Variants in NMNAT2 observed in about 807,000 individuals in gnomAD.
NMNAT2 encodes nicotinamide nucleotide adenylyltransferase 2, also known as nicotinamide/nicotinic acid mononucleotide adenylyltransferase 2.
Under a neutral mutation model 41.6 loss-of-function variants are expected in NMNAT2, and 11 were observed. That is an observed-to-expected ratio of 0.26 (90% CI 0.17 to 0.44). The LOEUF is 0.44. Among genes scored for constraint, NMNAT2 ranks in the 20% least tolerant of loss-of-function variants. The pLI is 1.00. For missense variants in NMNAT2, 288 were observed against 407.7 expected (o/e 0.71, Z 2.53); for synonymous variants, 148 against 151.2 (o/e 0.98, Z 0.16).
intron 8 of NMNAT2, chr1:183,266,888 C>G (rs1660829856): frequency 1.9e-5 from 3 of 160,626 alleles, no homozygotes; most frequent in Middle Eastern, 2.7e-3. Flanking sequence ...GTGAAGACTA[C>G]CAATGGCTAT....
chr1:183,254,981 A>G (rs920173271), intron 10 of NMNAT2, among the ~76,000 whole-genome samples: 2 of 152,240 alleles, frequency 1.3e-5, no homozygotes, highest in East Asian at 1.9e-4. Flanking sequence ...CATCCAAGAC[A>G]TAATTGCCAA....
At chr1:183,294,494 T>C (rs10797865) in intron 1 of NMNAT2, among the ~76,000 whole-genome samples, 46,328 of 152,182 alleles carry the variant, frequency 0.3, 8,089 homozygotes, top group Middle Eastern at 0.4. Flanking sequence ...ACAATTCCTT[T>C]TAAGAATGTC....
intron 1 of NMNAT2, among the ~76,000 whole-genome samples, chr1:183,381,629 A>G (rs181881175): frequency 6.6e-6 from 1 of 152,248 alleles, no homozygotes; most frequent in African/African-American, 2.4e-5. Flanking sequence ...CCCAGGAAGA[A>G]GAGGTTCCAG....
At chr1:183,403,939 G>A (rs1319759543) in intron 1 of NMNAT2, among the ~76,000 whole-genome samples, 1 of 152,002 alleles carries the variant, frequency 6.6e-6, no homozygotes, top group Non-Finnish European at 1.5e-5. Flanking sequence ...CACCAAACAG[G>A]ATTTGTTTAA....
intron 3 of NMNAT2, 100 bp downstream of exon 3, chr1:183,292,690 T>C (rs987846511): frequency 1.2e-5 from 14 of 1,124,014 alleles, no homozygotes; most frequent in Non-Finnish European, 1.7e-5. Flanking sequence ...CTCCCCATCC[T>C]TTCAGGATCC....
chr1:183,288,800 TAC>T (rs1318355323), intron 4 of NMNAT2, among the ~76,000 whole-genome samples: 1 of 152,228 alleles, frequency 6.6e-6, no homozygotes, highest in Non-Finnish European at 1.5e-5. Flanking sequence ...TCCTGACTGA[TAC>T]AGTCTTACAC....
intron 7 of NMNAT2, among the ~76,000 whole-genome samples, chr1:183,280,638 G>A (rs547084655): frequency 3.0e-4 from 46 of 151,776 alleles, no homozygotes; most frequent in Non-Finnish European, 4.4e-4. Context: ...TCTGCCCACC[G>A]TGGCCTCCCA....
intron 1 of NMNAT2, among the ~76,000 whole-genome samples, chr1:183,353,125 G>A (rs1663100253): frequency 6.6e-6 from 1 of 152,046 alleles, no homozygotes; most frequent in African/African-American, 2.4e-5. Flanking sequence ...TCCTGCCTTA[G>A]CCTCCCAAGT....
chr1:183,333,371 G>A (rs941108718), intron 1 of NMNAT2, among the ~76,000 whole-genome samples: 1 of 152,202 alleles, frequency 6.6e-6, no homozygotes, highest in African/African-American at 2.4e-5. Context: ...ATCTTACATG[G>A]CAGAAGGGAC....
intron 1 of NMNAT2, among the ~76,000 whole-genome samples, chr1:183,341,139 C>G (rs1377547741): frequency 2.0e-5 from 3 of 152,166 alleles, no homozygotes; most frequent in Non-Finnish European, 4.4e-5. Context: ...GCCAGGTTGG[C>G]TAAGATTCCT....
intron 1 of NMNAT2, among the ~76,000 whole-genome samples, chr1:183,398,251 G>A (rs908417578): frequency 1.3e-5 from 2 of 151,978 alleles, no homozygotes; most frequent in African/African-American, 4.8e-5. Context: ...AAAAAGCAGG[G>A]GTTGCAATCC....
intron 10 of NMNAT2, among the ~76,000 whole-genome samples, chr1:183,259,057 C>T (rs1410144821): frequency 6.6e-6 from 1 of 152,150 alleles, no homozygotes; most frequent in Non-Finnish European, 1.5e-5. Context: ...CAAGGTGAAC[C>T]CCTTGGGTGG....
chr1:183,314,490 C>T (rs1662197422), intron 1 of NMNAT2, among the ~76,000 whole-genome samples: 1 of 152,208 alleles, frequency 6.6e-6, no homozygotes. Flanking sequence ...CTTTGCATCC[C>T]CAGCATCTTG....
At chr1:183,354,110 C>T (rs937177837) in intron 1 of NMNAT2, among the ~76,000 whole-genome samples, 3 of 152,184 alleles carry the variant, frequency 2.0e-5, no homozygotes, top group Admixed American at 1.3e-4. Flanking sequence ...ATGTTTGTCA[C>T]ATAGGGAGCC....
intron 1 of NMNAT2, among the ~76,000 whole-genome samples, chr1:183,336,364 T>C (rs967020461): frequency 2.0e-5 from 3 of 152,186 alleles, no homozygotes; most frequent in African/African-American, 7.2e-5. Flanking sequence ...AAAAGAAAAT[T>C]ACAATGAGAT....
chr1:183,286,706 T>C lies in NMNAT2; in HGVS notation c.404A>G (p.Gln135Arg). 2 of 1,612,478 alleles carry C rather than the reference T, an allele frequency of 1.2e-6. No individual in the cohort carries two copies. Among genetic ancestry groups the C allele is most frequent in the East Asian group, 2.2e-5 (1 of 44,838 alleles). ...VIGQPQNETP[Q>R]PIYQNSNVAT... Reference sequence around the variant, plus strand: ...CACGTTGCTGTTCTGGTAAATGGGCTGGGGGGTCTCGTTTTGTGGCTGTCC... The same window carrying C: ...CACGTTGCTGTTCTGGTAAATGGGCCGGGGGGTCTCGTTTTGTGGCTGTCC... The change falls in exon 5 of 11, where the codon CAG (glutamine) becomes CGG (arginine). Residue 135 changes from glutamine (Q) to arginine (R), a missense_variant. Around this residue, in one of 3 missense-constraint regions of NMNAT2, gnomAD observed 181 missense variants for 213.7 expected, o/e 0.85. Transcript: ENST00000287713.
chr1:183,374,987 C>T (rs142620267), intron 1 of NMNAT2, among the ~76,000 whole-genome samples: 3 of 152,302 alleles, frequency 2.0e-5, no homozygotes, highest in Non-Finnish European at 2.9e-5. Context: ...TGACATTCAT[C>T]GATCCCTAAA....
chr1:183,393,612 G>A (rs1210792720), intron 1 of NMNAT2, among the ~76,000 whole-genome samples: 5 of 152,200 alleles, frequency 3.3e-5, no homozygotes, highest in Non-Finnish European at 7.3e-5. Flanking sequence ...CTGGAGCGCA[G>A]TGGCATGATC....
At chr1:183,340,953 C>T (rs1362229295) in intron 1 of NMNAT2, among the ~76,000 whole-genome samples, 2 of 152,210 alleles carry the variant, frequency 1.3e-5, no homozygotes, top group African/African-American at 4.8e-5. Flanking sequence ...GCTCCACATG[C>T]ATTATTTCAT....
Sources: gnomAD v4.1 joint callset for allele counts (sites outside exome capture counted in the v4.1 genomes callset) on GRCh38, gnomAD v4.1.1 for gene constraint, gnomAD v4.1.1 regional missense constraint, MANE v1.5 for transcripts, NCBI Gene and HGNC (gene_info 2026-07-23, HGNC 2026-07-21) for gene names.